STAT4: variants seen among roughly 807,000 people sequenced by gnomAD.
STAT4 encodes signal transducer and activator of transcription 4.
Under a neutral mutation model 110.5 loss-of-function variants are expected in STAT4, and 42 were observed. The ratio of observed to expected loss-of-function variants is 0.38; its 90% CI spans 0.30 to 0.49. STAT4 has a LOEUF of 0.49. Ranked by LOEUF, STAT4 falls within the 20% of genes least tolerant of loss-of-function variation. The pLI is 0.95. For synonymous variants in STAT4, 284 were observed against 302.2 expected (o/e 0.94, Z 0.63); for missense variants, 632 against 887.9 (o/e 0.71, Z 3.66).
Position 191,064,970 on chromosome 2 carries a change from G to A in STAT4, c.631-12C>T. 2.5e-6 allele frequency: 4 copies of A among 1,583,992 alleles called. No homozygotes were observed. The highest frequency in any genetic ancestry group is 3.4e-6 in the Non-Finnish European group (4 of 1,167,008). On this transcript the variant is annotated splice_polypyrimidine_tract_variant and intron_variant, in intron 7 of 23. Transcript: ENST00000392320. Reference sequence around the variant, plus strand: ...TTACTGAGAGCCTCCTAAAAACAAAGGGGACTACTGAAGAGAGTTTCATAA... The same window carrying A: ...TTACTGAGAGCCTCCTAAAAACAAAAGGGACTACTGAAGAGAGTTTCATAA...
rs1696490348 is a variant in STAT4 at position 191,050,499 on chromosome 2, T to C, written c.1251+3991A>G. Among the ~76,000 whole-genome samples the C allele has an allele frequency of 6.6e-6, 1 of 152,180 alleles. No individual in the cohort carries two copies. The highest frequency in any genetic ancestry group is 1.5e-5 in the Non-Finnish European group (1 of 68,022). ...TTAAAGTTAAATTCATTTTTAAAAA[T>C]CTAAAGCTCCTACCCTATGTTGCAC... On this transcript the variant is annotated intron_variant, in intron 14 of 23. Transcript: ENST00000392320. The surrounding 1 kb of genome is among the most constrained non-coding windows in gnomAD (Gnocchi z 4.3).
intron 3 of STAT4, among the ~76,000 whole-genome samples, chr2:191,105,024 G>T (rs572633463): frequency 6.6e-6 from 1 of 152,254 alleles, no homozygotes; most frequent in African/African-American, 2.4e-5. Flanking sequence ...TTCATCACAG[G>T]TTCTGTGGAT....
At chr2:191,125,295 C>T (rs1289907538) in intron 3 of STAT4, among the ~76,000 whole-genome samples, 1 of 151,932 alleles carries the variant, frequency 6.6e-6, no homozygotes, top group African/African-American at 2.4e-5. Flanking sequence ...ACGAGGTTCT[C>T]ATTTTTTAGG....
intron 3 of STAT4, among the ~76,000 whole-genome samples, chr2:191,079,335 A>C (rs1697400956): frequency 6.6e-6 from 1 of 151,880 alleles, no homozygotes; most frequent in South Asian, 2.1e-4. Context: ...CTTGTGTTCT[A>C]ATCTATTTAT....
intron 3 of STAT4, among the ~76,000 whole-genome samples, chr2:191,093,744 C>T (rs962557117): frequency 2.0e-5 from 3 of 152,152 alleles, no homozygotes; most frequent in Non-Finnish European, 2.9e-5. Context: ...ATGACTTTGA[C>T]GAGCTGACAG....
intron 4 of STAT4, 192 bp downstream of exon 4, chr2:191,076,035 T>TC: frequency 1.9e-6 from 1 of 517,524 alleles, no homozygotes; most frequent in Non-Finnish European, 3.5e-6. Context: ...TTTTTTTTTT[T>TC]TGGAGACAGG....
intron 3 of STAT4, among the ~76,000 whole-genome samples, chr2:191,100,262 C>T (rs1020314254): frequency 6.6e-6 from 1 of 152,058 alleles, no homozygotes; most frequent in Non-Finnish European, 1.5e-5. Context: ...AACTATGTGG[C>T]GGAAGTATTA....
chr2:191,139,227 T>C (rs552938105), intron 3 of STAT4, among the ~76,000 whole-genome samples: 2 of 151,212 alleles, frequency 1.3e-5, no homozygotes, highest in African/African-American at 2.4e-5. Flanking sequence ...CTAATCAACA[T>C]AGTACTGGAA....
Position 191,073,197 on chromosome 2 carries a change from A to G in STAT4, c.373-7T>C, listed in dbSNP as rs760656998. 2.0e-5 allele frequency: 32 copies of G among 1,612,704 alleles called. No individual in the cohort carries two copies. The highest frequency in any genetic ancestry group is 2.7e-5 in the Non-Finnish European group (32 of 1,178,800). ...AGGATTTCTCTAGAGGCCCCTGGAA[A>G]AAGAATGTCTTGAAATCTCTCTGGT... On this transcript the variant is annotated splice_polypyrimidine_tract_variant and splice_region_variant and intron_variant, in intron 4 of 23. Transcript: ENST00000392320.
In STAT4 at chr2:191,033,485, T is replaced by C. The variant is rs2125141793; in HGVS notation, c.1852+5A>G. 6.2e-7 allele frequency: 1 copy of C among 1,608,616 alleles called. No homozygotes were observed. Among genetic ancestry groups the C allele is most frequent in the Non-Finnish European group, 8.5e-7 (1 of 1,178,536 alleles). On this transcript the variant is annotated splice_donor_5th_base_variant and intron_variant, in intron 20 of 23. Coordinates refer to ENST00000392320, the MANE Select transcript of STAT4 (RefSeq NM_003151.4). This position sits in a 1 kb window ranked among gnomAD's most constrained non-coding sequence, Gnocchi z 6.9. Reference sequence around the variant, plus strand: ...TCACATGAATAAACATTAGTGAGTATATACCACTTTCAGAATGGTCCACCC... The same window carrying C: ...TCACATGAATAAACATTAGTGAGTACATACCACTTTCAGAATGGTCCACCC...
At chr2:191,080,787 C>T (rs1697444398) in intron 3 of STAT4, among the ~76,000 whole-genome samples, 1 of 152,150 alleles carries the variant, frequency 6.6e-6, no homozygotes, top group African/African-American at 2.4e-5. Context: ...AGTCGTCTGT[C>T]ACCACAGTCA....
Position 191,125,598 on chromosome 2 carries a change from C to A in STAT4, c.273+21015G>T, listed in dbSNP as rs183981353. 3.3e-5 allele frequency among the ~76,000 whole-genome samples: 5 copies of A among 151,822 alleles called. No homozygotes were observed. The East Asian group carries it at 9.7e-4, about 29-fold the overall frequency. The stretch of plus-strand genomic sequence containing the variant: ...AAACTCCAGGGCTTAAGTTATCCTA[C>A]CACCTCAGCCACCCAAGTAGGTAGT... On this transcript the variant is annotated intron_variant, in intron 3 of 23. Coordinates refer to ENST00000392320, the MANE Select transcript of STAT4 (RefSeq NM_003151.4).
rs150456510 is a variant in STAT4 at position 191,131,688 on chromosome 2, T to C, written c.273+14925A>G. ...GTAATGGTAACATCTGGGTATAAAA[T>C]GTCAACAACAGTTTGCAAAAGCCAG... is the stretch of plus-strand genomic sequence containing the variant. On this transcript the variant is annotated intron_variant, in intron 3 of 23. Coordinates refer to ENST00000392320, the MANE Select transcript of STAT4 (RefSeq NM_003151.4). 1.5e-4 allele frequency: 154 copies of C among 1,019,428 alleles called. 3 individuals are homozygous for C. In the African/African-American group the frequency reaches 2.1e-3, roughly 14 times the overall value. The allele number at this position is 1,019,428 out of a possible 1,614,324, so 63.1% of individuals were successfully genotyped here. A position where few individuals can be genotyped will look rare whatever the true frequency, so the allele number is the denominator to read the frequency against.
At chr2:191,106,638 C>G (rs949843443) in intron 3 of STAT4, among the ~76,000 whole-genome samples, 1 of 111,748 alleles carries the variant, frequency 8.9e-6, no homozygotes, top group Non-Finnish European at 1.9e-5. Flanking sequence ...CAGAGTGAGA[C>G]TCCATCTCAA....
chr2:191,067,865 G>A (rs1425173996), intron 6 of STAT4, among the ~76,000 whole-genome samples: 1 of 152,168 alleles, frequency 6.6e-6, no homozygotes, highest in Non-Finnish European at 1.5e-5. Flanking sequence ...GGCTGGGAAT[G>A]CTGATTTGAC....
At chr2:191,076,402 G>A in intron 3 of STAT4, 77 bp from the exon 4 acceptor site, 1 of 1,025,314 alleles carries the variant, frequency 9.8e-7, no homozygotes, top group Non-Finnish European at 1.5e-6. Context: ...ATCACCTCTT[G>A]AAAAACAACA....
rs2125136599 is a variant in STAT4 at position 191,031,802 on chromosome 2, T to C, written c.2045-286A>G. Among the ~76,000 whole-genome samples the C allele has an allele frequency of 6.6e-6, 1 of 152,348 alleles. No individual in the cohort carries two copies. Among genetic ancestry groups the C allele is most frequent in the East Asian group, 1.9e-4 (1 of 5,192 alleles). On this transcript the variant is annotated intron_variant, in intron 21 of 23. Transcript: ENST00000392320. This position sits in a 1 kb window ranked among gnomAD's most constrained non-coding sequence, Gnocchi z 4.8. ...AATTGAGAATCAACTCTATTACCTG[T>C]TTTCTACGTTTCATTTATGTTTGAT...
intron 3 of STAT4, among the ~76,000 whole-genome samples, chr2:191,098,921 A>C (rs1435555138): frequency 1.3e-5 from 2 of 152,022 alleles, no homozygotes; most frequent in Non-Finnish European, 1.5e-5. Context: ...GCCTAAAGAC[A>C]TATTATAGAC....
rs943736470 is a variant in STAT4 at position 191,030,625 on chromosome 2, C to T, written c.2220+347G>A. The T allele has an allele frequency of 3.1e-5, 6 of 195,124 alleles. No homozygotes were observed. The highest frequency in any genetic ancestry group is 2.9e-4 in the South Asian group (3 of 10,370). The allele number at this position is 195,124 out of a possible 1,614,324, so 12.1% of individuals were successfully genotyped here. On this transcript the variant is annotated intron_variant, in intron 23 of 23. Coordinates refer to ENST00000392320, the MANE Select transcript of STAT4 (RefSeq NM_003151.4). This position sits in a 1 kb window ranked among gnomAD's most constrained non-coding sequence, Gnocchi z 4.4. The stretch of plus-strand genomic sequence containing the variant: ...AGTATACTAGGTTTATAAATATTGA[C>T]CAATAAATGGTGTTTGCTAAAGTAG...
Sources: gnomAD v4.1 joint callset for allele counts (sites outside exome capture counted in the v4.1 genomes callset) on GRCh38, gnomAD v4.1.1 for gene constraint, Gnocchi (gnomAD v3.1) non-coding constraint, MANE v1.5 for transcripts, NCBI Gene and HGNC (gene_info 2026-07-23, HGNC 2026-07-21) for gene names.